ATP6V1C1: variants seen among roughly 807,000 people sequenced by gnomAD.
ATP6V1C1 encodes the protein V-type proton ATPase subunit C 1.
In ATP6V1C1, 45 loss-of-function variants were observed where a neutral mutation model predicts 53.9. The observed-to-expected ratio is 0.83, with a 90% CI of 0.66 to 1.07. The LOEUF is 1.07. Among genes scored for constraint, ATP6V1C1 ranks in the 50% least tolerant of loss-of-function variants. The pLI is 0.00. For synonymous variants in ATP6V1C1, 153 were observed against 155.2 expected, an observed-to-expected ratio of 0.99 and a Z score of 0.11; for missense variants, 315 against 440.3, an observed-to-expected ratio of 0.72 and a Z score of 2.55.
At position 103,070,005 on chromosome 8, in the gene ATP6V1C1, G is replaced by A. The variant is rs1212245522; in HGVS notation, c.*1258G>A. 1.3e-5 allele frequency: 2 copies of A among 151,990 alleles called. No homozygotes were observed. Among genetic ancestry groups the A allele is most frequent in the Non-Finnish European group, 2.9e-5 (2 of 68,008 alleles). 9.4% of individuals were successfully genotyped at this position (151,990 alleles called of 1,614,324 possible). Reference sequence around the variant, plus strand: ...TGTATTTTTCTAGGCCCTTTTCTATGTCTTTACATCTCTGTCTCACACACA... The same window carrying A: ...TGTATTTTTCTAGGCCCTTTTCTATATCTTTACATCTCTGTCTCACACACA... On this transcript the variant is annotated 3_prime_UTR_variant, in exon 13 of 13. Transcript: ENST00000518738.
intron 3 of ATP6V1C1, among the ~76,000 whole-genome samples, chr8:103,044,750 A>C (rs1242858365): frequency 6.6e-6 from 1 of 151,440 alleles, no homozygotes; most frequent in Non-Finnish European, 1.5e-5. Flanking sequence ...TCACAGTGTC[A>C]AATTTCTGCA....
intron 3 of ATP6V1C1, among the ~76,000 whole-genome samples, chr8:103,045,974 CT>C (rs1216745913): frequency 9.5e-5 from 14 of 147,856 alleles, no homozygotes; most frequent in South Asian, 2.1e-4. Context: ...TGTGAGGGAA[CT>C]TTTTTTTTTA....
intron 1 of ATP6V1C1, among the ~76,000 whole-genome samples, chr8:103,035,144 G>T (rs1044611471): frequency 1.3e-5 from 2 of 152,040 alleles, no homozygotes; most frequent in Admixed American, 1.3e-4. Context: ...TTATATTTTT[G>T]ACTTTATTCA....
rs905943163 is a variant in ATP6V1C1 at position 103,069,767 on chromosome 8, A to G, written c.*1020A>G. ...ATTTTGTGGCAATGTTTCTCTTACT[A>G]CGTACTCACAGGTTTGCAAATGGGA... On this transcript the variant is annotated 3_prime_UTR_variant, in exon 13 of 13. Transcript: ENST00000518738. The G allele has an allele frequency of 1.6e-4, 24 of 152,156 alleles. No homozygotes were observed. Among genetic ancestry groups the G allele is most frequent in the African/African-American group, 5.3e-4 (22 of 41,432 alleles). 9.4% of individuals were successfully genotyped at this position (152,156 alleles called of 1,614,324 possible).
intron 8 of ATP6V1C1, among the ~76,000 whole-genome samples, chr8:103,059,934 C>A (rs1223979279): frequency 6.6e-6 from 1 of 151,274 alleles, no homozygotes; most frequent in Non-Finnish European, 1.5e-5. Flanking sequence ...TACCCTATGT[C>A]CCAGCCATAT....
intron 3 of ATP6V1C1, among the ~76,000 whole-genome samples, chr8:103,045,616 T>G (rs527428260): frequency 6.6e-6 from 1 of 152,136 alleles, no homozygotes; most frequent in Non-Finnish European, 1.5e-5. Flanking sequence ...GAAAGAATAG[T>G]CTCTTGGTTC....
intron 8 of ATP6V1C1, among the ~76,000 whole-genome samples, chr8:103,061,870 A>G (rs1488546505): frequency 2.6e-5 from 4 of 152,344 alleles, no homozygotes; most frequent in Non-Finnish European, 1.5e-5. Flanking sequence ...AAGGACTTCT[A>G]TACAGGAGGC....
chr8:103,062,014 T>A (rs1817406887), intron 8 of ATP6V1C1, among the ~76,000 whole-genome samples: 1 of 152,184 alleles, frequency 6.6e-6, no homozygotes, highest in Non-Finnish European at 1.5e-5. Context: ...CAGTTGTGTC[T>A]GGAAAGGTCT....
rs1817567975 is a variant in ATP6V1C1, at chr8:103,070,491, G to A, written c.*1744G>A. The A allele has an allele frequency of 6.6e-6, 1 of 152,202 alleles. No homozygotes were observed. The highest frequency in any genetic ancestry group is 1.5e-5 in the Non-Finnish European group (1 of 68,032). The allele number at this position is 152,202 out of a possible 1,614,324, so 9.4% of individuals were successfully genotyped here. ...GAAGCTGTGAAAGATTTTGCTATCA[G>A]AAAATTTTGGTTCTTTGTCTTTTGC... On this transcript the variant is annotated 3_prime_UTR_variant, in exon 13 of 13. Transcript: ENST00000518738.
intron 1 of ATP6V1C1, among the ~76,000 whole-genome samples, chr8:103,033,429 C>A (rs1378541052): frequency 6.6e-6 from 1 of 152,194 alleles, no homozygotes; most frequent in African/African-American, 2.4e-5. Context: ...TTAATCCTCA[C>A]AGTAATTTTT....
chr8:103,033,940 A>T (rs1203641151), intron 1 of ATP6V1C1, among the ~76,000 whole-genome samples: 1 of 152,196 alleles, frequency 6.6e-6, no homozygotes, highest in Non-Finnish European at 1.5e-5. Flanking sequence ...GTGGAGTAGG[A>T]CTACATATTG....
At position 103,053,941 on chromosome 8, in the gene ATP6V1C1, T is replaced by A. The variant is rs772122676; in HGVS notation, c.531T>A (p.Leu177=). Residue 177 remains leucine, a synonymous_variant, in exon 7 of 13, where the codon CTT becomes CTA. Coordinates refer to ENST00000518738, the MANE Select transcript of ATP6V1C1 (RefSeq NM_001695.5). ...TTGTGAAGAAGGATGACTTTGTTCT[T>A]GATTCAGAGTATCTCGTCACATTAC... The part of the protein sequence containing the change: ...AEIVKKDDFV[L]DSEYLVTLLV... 1 of 1,611,068 alleles carries A rather than the reference T, an allele frequency of 6.2e-7. No individual in the cohort carries two copies. Among genetic ancestry groups the A allele is most frequent in the Non-Finnish European group, 8.5e-7 (1 of 1,178,446 alleles).
intron 8 of ATP6V1C1, among the ~76,000 whole-genome samples, chr8:103,062,525 G>A (rs1176991816): frequency 2.0e-5 from 3 of 152,200 alleles, no homozygotes; most frequent in East Asian, 1.9e-4. Context: ...CAAGGTTTAA[G>A]GTACTGGCAA....
chr8:103,060,868 C>T lies in ATP6V1C1; in HGVS notation c.642-2087C>T, dbSNP rs1291883022. Among the ~76,000 whole-genome samples, 3 of 152,076 alleles carry T rather than the reference C, an allele frequency of 2.0e-5. No homozygotes were observed. The East Asian group carries it at 5.8e-4, about 29-fold the overall frequency. Reference sequence around the variant, plus strand: ...TCTCTGCACAATAGCTAGGAACCTGCTTAATAGGTAACCTGTTCATTGACA... The same window carrying T: ...TCTCTGCACAATAGCTAGGAACCTGTTTAATAGGTAACCTGTTCATTGACA... On this transcript the variant is annotated intron_variant, in intron 8 of 12. Transcript: ENST00000518738.
chr8:103,056,807 A>G (rs1381299126), intron 8 of ATP6V1C1, among the ~76,000 whole-genome samples: 13 of 152,206 alleles, frequency 8.5e-5, no homozygotes, highest in Non-Finnish European at 5.9e-5. Flanking sequence ...AGGGTGGAAG[A>G]TATAGGAGGC....
At chr8:103,022,625 A>G (rs1354906887) in intron 1 of ATP6V1C1, among the ~76,000 whole-genome samples, 4 of 152,306 alleles carry the variant, frequency 2.6e-5, no homozygotes, top group South Asian at 4.1e-4. Context: ...AGGCATTGCT[A>G]AGAATATGAC....
At chr8:103,053,225 T>G (rs1478474544) in intron 6 of ATP6V1C1, among the ~76,000 whole-genome samples, 1 of 152,156 alleles carries the variant, frequency 6.6e-6, no homozygotes, top group Non-Finnish European at 1.5e-5. Context: ...TTTCAGAATT[T>G]AGGTTTTTCA....
intron 8 of ATP6V1C1, among the ~76,000 whole-genome samples, chr8:103,060,362 C>T (rs1366745578): frequency 1.3e-5 from 2 of 152,204 alleles, no homozygotes; most frequent in Non-Finnish European, 2.9e-5. Flanking sequence ...GAACGTTCTT[C>T]TCTTTTTTGT....
chr8:103,037,378 C>T (rs62525313), intron 1 of ATP6V1C1, among the ~76,000 whole-genome samples: 11,025 of 152,014 alleles, frequency 0.073, 482 homozygotes, highest in East Asian at 0.13. Context: ...GACAGGGTCT[C>T]GCTATGTTGA....
Sources: gnomAD v4.1 joint callset for allele counts (sites outside exome capture counted in the v4.1 genomes callset) on GRCh38, gnomAD v4.1.1 for gene constraint, MANE v1.5 for transcripts, NCBI Gene and HGNC (gene_info 2026-07-23, HGNC 2026-07-21) for gene names.